Variants in GRM8 observed in about 807,000 individuals in gnomAD.
GRM8 encodes the protein glutamate metabotropic receptor 8.
A neutral mutation model predicts 87.2 loss-of-function variants in GRM8; 47 were observed. That is an observed-to-expected ratio of 0.54 (90% confidence interval 0.43 to 0.69). The LOEUF (loss-of-function observed/expected upper bound fraction) is 0.69. GRM8 is among the 30% of genes least tolerant of loss of function. The pLI, the probability that GRM8 is intolerant of heterozygous loss-of-function variation, is 0.00. For missense variants in GRM8, 1,019 were observed against 1,139.2 expected, an observed-to-expected ratio of 0.89 and a Z score of 1.52; for synonymous variants, 396 against 404.5, an observed-to-expected ratio of 0.98 and a Z score of 0.25.
chr7:126,714,058 G>C (rs1811433907), intron 7 of GRM8, among the ~76,000 whole-genome samples: 1 of 151,082 alleles, frequency 6.6e-6, no homozygotes, highest in Non-Finnish European at 1.5e-5. Context: ...GATCACTTGA[G>C]GTAAGGAGTC....
At chr7:126,658,812 C>G (rs1490946240) in intron 7 of GRM8, among the ~76,000 whole-genome samples, 1 of 151,852 alleles carries the variant, frequency 6.6e-6, no homozygotes, top group East Asian at 1.9e-4. Flanking sequence ...CCCAGCAGAC[C>G]CTGGCCAAAT....
chr7:127,162,785 T>G (rs1793199181), intron 2 of GRM8, among the ~76,000 whole-genome samples: 1 of 152,156 alleles, frequency 6.6e-6, no homozygotes, highest in Admixed American at 6.6e-5. Context: ...TGAAAGGCAG[T>G]CAGAGTAGCT....
chr7:126,516,783 A>G (rs1356583813), intron 9 of GRM8, among the ~76,000 whole-genome samples: 1 of 152,144 alleles, frequency 6.6e-6, no homozygotes. Context: ...TATATATCTT[A>G]CTTTATCTAA....
chr7:127,094,761 T>C (rs1824477730), intron 3 of GRM8, among the ~76,000 whole-genome samples: 1 of 152,164 alleles, frequency 6.6e-6, no homozygotes, highest in Non-Finnish European at 1.5e-5. Context: ...AGGAGTTAGG[T>C]AGCAGGAAAA....
intron 2 of GRM8, among the ~76,000 whole-genome samples, chr7:127,116,075 C>T (rs937175927): frequency 1.3e-5 from 2 of 152,164 alleles, no homozygotes; most frequent in Non-Finnish European, 2.9e-5. Flanking sequence ...ATAATTGCAC[C>T]ACTGTATTCC....
intron 2 of GRM8, among the ~76,000 whole-genome samples, chr7:127,169,215 C>T (rs1793640460): frequency 6.6e-6 from 1 of 152,038 alleles, no homozygotes; most frequent in South Asian, 2.1e-4. Context: ...AATAAAAGTG[C>T]TACCCAGTGA....
intron 2 of GRM8, among the ~76,000 whole-genome samples, chr7:127,121,468 T>A (rs534808969): frequency 6.6e-6 from 1 of 152,200 alleles, no homozygotes; most frequent in Non-Finnish European, 1.5e-5. Flanking sequence ...CCCCCTCCTT[T>A]TAACAGCCCA....
At chr7:126,941,492 C>A (rs1176671110) in intron 3 of GRM8, among the ~76,000 whole-genome samples, 3 of 149,864 alleles carry the variant, frequency 2.0e-5, no homozygotes, top group African/African-American at 7.4e-5. Context: ...TGGTGGCGGG[C>A]ACCTGTAGTC....
chr7:127,240,004 C>T (rs1375140349), intron 2 of GRM8, among the ~76,000 whole-genome samples: 2 of 152,120 alleles, frequency 1.3e-5, no homozygotes, highest in Admixed American at 6.6e-5. Context: ...CATAACAGCA[C>T]CCCCTCCTGG....
chr7:126,806,316 G>A (rs776941505), intron 6 of GRM8, among the ~76,000 whole-genome samples: 76 of 152,348 alleles, frequency 5.0e-4, no homozygotes, highest in Admixed American at 1.2e-3. Context: ...GCGGCCTTCA[G>A]GAGTGAAGCT....
intron 3 of GRM8, among the ~76,000 whole-genome samples, chr7:126,987,580 C>G (rs1471438866): frequency 1.3e-5 from 2 of 152,116 alleles, no homozygotes; most frequent in East Asian, 3.9e-4. Context: ...CCTGCCTCAG[C>G]CTCCCGAGTA....
chr7:127,248,222 A>G lies in GRM8; in HGVS notation c.-312+4575T>C, dbSNP rs972243190. Among the ~76,000 whole-genome samples the G allele has an allele frequency of 9.2e-5, 14 of 152,212 alleles. 1 individual carries two copies. The highest frequency in any genetic ancestry group is 2.1e-4 in the Non-Finnish European group (14 of 68,044). On this transcript the variant is annotated intron_variant, in intron 1 of 10. Transcript: ENST00000339582. Reference sequence around the variant, plus strand: ...AAGTGGGTGACATCAACACTTACTGATTGCCTGCAGTGTGCCTGGAGCTGC... The same window carrying G: ...AAGTGGGTGACATCAACACTTACTGGTTGCCTGCAGTGTGCCTGGAGCTGC...
chr7:127,131,257 G>A (rs1827670250), intron 2 of GRM8, among the ~76,000 whole-genome samples: 1 of 152,132 alleles, frequency 6.6e-6, no homozygotes, highest in African/African-American at 2.4e-5. Context: ...ACTACAAAAT[G>A]AAATTGGAGA....
chr7:127,158,983 G>T (rs150432232), intron 2 of GRM8, among the ~76,000 whole-genome samples: 19 of 152,208 alleles, frequency 1.2e-4, no homozygotes, highest in African/African-American at 4.6e-4. Flanking sequence ...AGTCCTCTTG[G>T]TCCCCCAATA....
At chr7:127,095,793 T>C (rs571190803) in intron 3 of GRM8, 4 of 152,306 alleles carry the variant, frequency 2.6e-5, no homozygotes, top group South Asian at 2.1e-4. Flanking sequence ...GATGCCTCCA[T>C]TGAGGCAAAG....
intron 8 of GRM8, among the ~76,000 whole-genome samples, chr7:126,580,234 T>C (rs570157074): frequency 3.6e-4 from 55 of 152,286 alleles, no homozygotes; most frequent in Admixed American, 7.2e-4. Flanking sequence ...ATAAAAGCCA[T>C]GTTCCAAGTT....
intron 6 of GRM8, among the ~76,000 whole-genome samples, chr7:126,867,173 A>T (rs916995636): frequency 2.0e-5 from 3 of 152,118 alleles, no homozygotes; most frequent in Non-Finnish European, 2.9e-5. Context: ...CTAAAAGGAG[A>T]CATTATTGTG....
chr7:126,757,707 G>A (rs990494090), intron 7 of GRM8, among the ~76,000 whole-genome samples: 3 of 152,098 alleles, frequency 2.0e-5, no homozygotes, highest in East Asian at 1.9e-4. Flanking sequence ...TGATCAAAGG[G>A]CAACAGTTTA....
chr7:127,109,935 C>T (rs184085337), intron 2 of GRM8, among the ~76,000 whole-genome samples: 10 of 152,302 alleles, frequency 6.6e-5, no homozygotes, highest in Admixed American at 6.5e-4. Context: ...ACCATACTGC[C>T]TGGGCTTCCT....
Sources: gnomAD v4.1 joint callset for allele counts (sites outside exome capture counted in the v4.1 genomes callset) on GRCh38, gnomAD v4.1.1 for gene constraint, MANE v1.5 for transcripts, NCBI Gene and HGNC (gene_info 2026-07-23, HGNC 2026-07-21) for gene names.